SRSF11: variants seen among roughly 807,000 people sequenced by gnomAD.
SRSF11 encodes serine and arginine rich splicing factor 11.
Under a neutral mutation model 56.0 loss-of-function variants are expected in SRSF11, and 9 were observed. That is an observed-to-expected ratio of 0.16 (90% confidence interval 0.10 to 0.28). The LOEUF (loss-of-function observed/expected upper bound fraction) is 0.28. SRSF11 is among the 10% of genes least tolerant of loss of function. The pLI is 1.00. For missense variants in SRSF11, 421 were observed against 600.7 expected, an observed-to-expected ratio of 0.70 and a Z score of 3.13; for synonymous variants, 222 against 215.3, an observed-to-expected ratio of 1.03 and a Z score of -0.27.
intron 7 of SRSF11, among the ~76,000 whole-genome samples, 183 bp downstream of exon 7, chr1:70,239,703 G>T (rs1486270516): frequency 1.3e-5 from 2 of 152,176 alleles, no homozygotes; most frequent in African/African-American, 4.8e-5. Context: ...CGAAATAGAT[G>T]ATTTATGCTT....
At chr1:70,207,706 A>G (rs1166471773) in intron 1 of SRSF11, among the ~76,000 whole-genome samples, 1 of 150,680 alleles carries the variant, frequency 6.6e-6, no homozygotes, top group African/African-American at 2.4e-5. Flanking sequence ...TCCCCCTACA[A>G]TAGATTCTTC....
exon 1 of SRSF11, chr1:70,205,743 C>G (rs1668944109): frequency 2.1e-6 from 1 of 482,238 alleles, no homozygotes; most frequent in South Asian, 4.4e-5. Flanking sequence ...TTTTCCGTTG[C>G]CGGTGCCGGC....
At chr1:70,236,063 T>C (rs1447765057) in intron 5 of SRSF11, among the ~76,000 whole-genome samples, 1 of 152,138 alleles carries the variant, frequency 6.6e-6, no homozygotes, top group Non-Finnish European at 1.5e-5. Context: ...TTATACCTTT[T>C]CCCCTTAACT....
intron 2 of SRSF11, chr1:70,228,974 A>G (rs1209808967): frequency 2.0e-6 from 2 of 984,174 alleles, no homozygotes; most frequent in Non-Finnish European, 1.2e-6. Context: ...TATTTTCTTA[A>G]AGCTTCCTCA....
chr1:70,208,794 A>G lies in SRSF11; in HGVS notation c.-26+3014A>G, dbSNP rs969517100. Among the ~76,000 whole-genome samples, 3 of 152,236 alleles carry G rather than the reference A, an allele frequency of 2.0e-5. No individual in the cohort carries two copies. In the East Asian group the frequency reaches 5.8e-4, roughly 29 times the overall value. On this transcript the variant is annotated intron_variant, in intron 1 of 12. Coordinates refer to the SRSF11 transcript ENST00000370950. The stretch of plus-strand genomic sequence containing the variant: ...CTTCTTTATGAAAAGATAGTTATAT[A>G]TACTTATGTGAGAATTAGCTCCATT...
In SRSF11 at chr1:70,252,365, T is replaced by G. The variant is rs1226339516; in HGVS notation, c.*1560T>G. On this transcript the variant is annotated 3_prime_UTR_variant, in exon 12 of 12. Coordinates refer to ENST00000370949, the MANE Select transcript of SRSF11 (RefSeq NM_001350605.2). ...GTAGTATAGAAGCTGTCAATATGTATCTACTGTACAGTACTAAATAGTATT... is the reference window on the plus strand; with the variant it reads ...GTAGTATAGAAGCTGTCAATATGTAGCTACTGTACAGTACTAAATAGTATT... 6.6e-6 allele frequency: 1 copy of G among 152,132 alleles called. No individual in the cohort carries two copies. Among genetic ancestry groups the G allele is most frequent in the Non-Finnish European group, 1.5e-5 (1 of 67,986 alleles). The allele number at this position is 152,132 out of a possible 1,614,324, so 9.4% of individuals were successfully genotyped here. A position where few individuals can be genotyped will look rare whatever the true frequency, so the allele number is the denominator to read the frequency against.
At chr1:70,244,658 G>C (rs1238153985) in intron 7 of SRSF11, 26 bp from the exon 8 acceptor site, 1 of 1,607,470 alleles carries the variant, frequency 6.2e-7, no homozygotes, top group Non-Finnish European at 8.5e-7. Context: ...TTATACACAT[G>C]TATTGGCTTC....
chr1:70,210,288 C>T (rs1669445855), intron 1 of SRSF11, among the ~76,000 whole-genome samples: 1 of 152,042 alleles, frequency 6.6e-6, no homozygotes, highest in Admixed American at 6.6e-5. Context: ...CCCCCAGTAG[C>T]TGCGACTGTA....
chr1:70,231,875 A>G, intron 2 of SRSF11: 1 of 1,498,446 alleles, frequency 6.7e-7, no homozygotes, highest in Non-Finnish European at 8.9e-7. Flanking sequence ...AGCCGACACG[A>G]GTCGTTGTTC....
upstream of SRSF11, chr1:70,218,584 C>CTGTG (rs1670230004): frequency 1.3e-5 from 2 of 152,006 alleles, no homozygotes; most frequent in South Asian, 4.2e-4. Context: ...TATGTGTACC[C>CTGTG]ATCACAGAGA....
At chr1:70,214,404 A>G (rs1669821960) in intron 1 of SRSF11, among the ~76,000 whole-genome samples, 1 of 152,220 alleles carries the variant, frequency 6.6e-6, no homozygotes, top group African/African-American at 2.4e-5. Flanking sequence ...CATGTGCACT[A>G]TAGCTGAGAA....
At chr1:70,220,151 A>C (rs1339631719), upstream of SRSF11, among the ~76,000 whole-genome samples, 1 of 152,254 alleles carries the variant, frequency 6.6e-6, no homozygotes, top group Non-Finnish European at 1.5e-5. Flanking sequence ...TGAGTGATAC[A>C]TGTCAATAAT....
intron 7 of SRSF11, among the ~76,000 whole-genome samples, chr1:70,243,336 C>CAAAAAAAA (rs56098296): frequency 3.1e-5 from 1 of 32,560 alleles, no homozygotes; most frequent in Non-Finnish European, 6.9e-5. Flanking sequence ...TGGTTGGTGG[C>CAAAAAAAA]AAAAAAAAAA....
intron 1 of SRSF11, among the ~76,000 whole-genome samples, chr1:70,215,509 T>C (rs1669928041): frequency 6.6e-6 from 1 of 152,206 alleles, no homozygotes; most frequent in African/African-American, 2.4e-5. Flanking sequence ...CTTGTTCCAG[T>C]ATGATATTGT....
upstream of SRSF11, among the ~76,000 whole-genome samples, chr1:70,216,684 C>T (rs761716347): frequency 7.2e-5 from 11 of 152,264 alleles, no homozygotes; most frequent in Non-Finnish European, 1.0e-4. Flanking sequence ...CCACCCACCT[C>T]TGCCTCCCAA....
intron 9 of SRSF11, among the ~76,000 whole-genome samples, chr1:70,248,211 T>C (rs1469383227): frequency 6.6e-6 from 1 of 152,142 alleles, no homozygotes; most frequent in Non-Finnish European, 1.5e-5. Flanking sequence ...AAAACTTTTA[T>C]GTGAATGTTT....
rs1678033096 is a variant in SRSF11, at chr1:70,252,049, A to G, written c.*1244A>G. The G allele has an allele frequency of 6.6e-6, 1 of 152,590 alleles. No individual in the cohort carries two copies. The highest frequency in any genetic ancestry group is 6.5e-5 in the Admixed American group (1 of 15,278). The allele number at this position is 152,590 out of a possible 1,614,324, so 9.5% of individuals were successfully genotyped here. On this transcript the variant is annotated 3_prime_UTR_variant, in exon 12 of 12. Transcript: ENST00000370949. ...TATTTGTATTTATTTACGCTACTGAATGTATGACATTTACCTCATTCATTT... is the reference window on the plus strand; with the variant it reads ...TATTTGTATTTATTTACGCTACTGAGTGTATGACATTTACCTCATTCATTT...
At position 70,221,736 on chromosome 1, in the gene SRSF11, G is replaced by T. The variant is rs756738348; in HGVS notation, c.100G>T (p.Val34Leu). The T allele has an allele frequency of 1.2e-6, 2 of 1,614,028 alleles. No homozygotes were observed. The highest frequency in any genetic ancestry group is 1.7e-6 in the Non-Finnish European group (2 of 1,180,022). The change falls in exon 1 of 12, where the codon GTA (valine) becomes TTA (leucine). Residue 34 changes from valine to leucine, a missense_variant. Physicochemically the swap from Val to Leu is conservative, Grantham distance 32. This residue lies in a region of SRSF11 where 168 missense variants were observed against 294.9 expected (regional missense o/e 0.57). Coordinates refer to ENST00000370949, the MANE Select transcript of SRSF11 (RefSeq NM_001350605.2). Reference protein sequence around the residue: ...GGGGGGGGTEVIQVTNVSPSA... With the variant: ...GGGGGGGGTELIQVTNVSPSA... ...TGGCGGCGGAGGCGGCGGCACCGAGGTAATCCAGGTGACTAATGTCTCCCC... is the reference window on the plus strand; with the variant it reads ...TGGCGGCGGAGGCGGCGGCACCGAGTTAATCCAGGTGACTAATGTCTCCCC...
At chr1:70,214,175 T>C (rs915445501) in intron 1 of SRSF11, among the ~76,000 whole-genome samples, 3 of 152,232 alleles carry the variant, frequency 2.0e-5, no homozygotes, top group African/African-American at 7.2e-5. Context: ...CTGGATATTT[T>C]CTTGCATTGA....
Sources: gnomAD v4.1 joint callset for allele counts (sites outside exome capture counted in the v4.1 genomes callset) on GRCh38, gnomAD v4.1.1 for gene constraint, gnomAD v4.1.1 regional missense constraint, MANE v1.5 for transcripts, NCBI Gene and HGNC (gene_info 2026-07-23, HGNC 2026-07-21) for gene names.